The following SPATA6L variants were observed in gnomAD, a reference collection of about 807,000 sequenced individuals.
The protein encoded by SPATA6L is spermatogenesis associated 6-like protein.
Under a neutral mutation model 49.2 loss-of-function variants are expected in SPATA6L, and 68 were observed. The observed-to-expected ratio is 1.38, with a 90% CI of 1.14 to 1.69. The LOEUF (loss-of-function observed/expected upper bound fraction) is 1.69. SPATA6L is among the 40% of genes most tolerant of loss of function. The pLI is 0.00. For synonymous variants in SPATA6L, 198 were observed against 165.7 expected, an observed-to-expected ratio of 1.19 and a Z score of -1.50; for missense variants, 668 against 464.3, an observed-to-expected ratio of 1.44 and a Z score of -4.03.
chr9:4,629,042 A>G (rs1455954836), intron 5 of SPATA6L, 49 bp downstream of exon 5: 3 of 847,264 alleles, frequency 3.5e-6, no homozygotes, highest in East Asian at 3.2e-5. Context: ...TTTAAATTTG[A>G]AAAAAAAAAA....
chr9:4,622,223 C>A (rs191821425), intron 7 of SPATA6L, among the ~76,000 whole-genome samples, 185 bp downstream of exon 7: 63 of 152,358 alleles, frequency 4.1e-4, no homozygotes, highest in Admixed American at 3.3e-3. Context: ...AATGCTCAGA[C>A]AGAAGCTTCT....
At chr9:4,622,120 T>C (rs962008191) in intron 7 of SPATA6L, among the ~76,000 whole-genome samples, 2 of 152,194 alleles carry the variant, frequency 1.3e-5, no homozygotes, top group African/African-American at 2.4e-5. Context: ...GCAGGACAAG[T>C]TGCACTCTGC....
intron 3 of SPATA6L, among the ~76,000 whole-genome samples, chr9:4,650,699 G>A (rs201316443): frequency 3.3e-5 from 5 of 151,974 alleles, no homozygotes; most frequent in East Asian, 3.9e-4. Context: ...TTGCTCTGTC[G>A]CCCAGGCTAG....
At chr9:4,658,519 G>C (rs186740396) in intron 2 of SPATA6L, among the ~76,000 whole-genome samples, 52 of 152,280 alleles carry the variant, frequency 3.4e-4, no homozygotes, top group African/African-American at 1.2e-3. Flanking sequence ...AAATGAAAAA[G>C]TGGTTCCATG....
chr9:4,612,748 A>C (rs1021704259), intron 9 of SPATA6L, among the ~76,000 whole-genome samples: 6 of 152,196 alleles, frequency 3.9e-5, no homozygotes, highest in Admixed American at 3.3e-4. Flanking sequence ...AGTAGCTAAT[A>C]AATATTTCTT....
chr9:4,620,637 C>T (rs1300924315), intron 7 of SPATA6L, among the ~76,000 whole-genome samples: 1 of 152,166 alleles, frequency 6.6e-6, no homozygotes, highest in African/African-American at 2.4e-5. Context: ...AGGATCTGAG[C>T]CCAGAGGTCT....
chr9:4,663,793 T>C (rs1324677641), intron 1 of SPATA6L: 1 of 167,066 alleles, frequency 6.0e-6, no homozygotes, highest in African/African-American at 2.4e-5. Flanking sequence ...GTTGCCACAG[T>C]TGGGAGATTT....
intron 9 of SPATA6L, among the ~76,000 whole-genome samples, chr9:4,611,817 T>G (rs183603276): frequency 0.02 from 3,003 of 151,940 alleles, 92 homozygotes; most frequent in African/African-American, 0.069. Context: ...AAAAAAAAAT[T>G]TTTAATCCAA....
chr9:4,610,278 C>T (rs1307062227), intron 9 of SPATA6L, among the ~76,000 whole-genome samples: 2 of 148,714 alleles, frequency 1.3e-5, no homozygotes, highest in Non-Finnish European at 3.0e-5. Flanking sequence ...ACTTTCTTCA[C>T]AGAATTGGAA....
intron 8 of SPATA6L, 119 bp downstream of exon 8, chr9:4,618,745 A>G (rs1042517717): frequency 1.1e-6 from 1 of 935,688 alleles, no homozygotes; most frequent in Non-Finnish European, 1.6e-6. Flanking sequence ...ACACTAAACT[A>G]CAGCAATTCC....
rs764381545 is a variant in SPATA6L at position 4,662,954 on chromosome 9, C to A, written c.40-918G>T. On this transcript the variant is annotated intron_variant, in intron 1 of 11. Coordinates refer to ENST00000682582, the MANE Select transcript of SPATA6L (RefSeq NM_001353486.2). This position sits in a 1 kb window ranked among gnomAD's most constrained non-coding sequence, Gnocchi z 4.9. Reference sequence around the variant, plus strand: ...GGCTGGTCCGCAGGCGCCGCCCGGCCCACAACCAGATGGACATGTTTGTCA... The same window carrying A: ...GGCTGGTCCGCAGGCGCCGCCCGGCACACAACCAGATGGACATGTTTGTCA... 6.2e-7 allele frequency: 1 copy of A among 1,612,378 alleles called. No individual in the cohort carries two copies. Among genetic ancestry groups the A allele is most frequent in the Non-Finnish European group, 8.5e-7 (1 of 1,179,950 alleles).
At chr9:4,597,510 C>G (rs995734370), downstream of SPATA6L, among the ~76,000 whole-genome samples, 1 of 152,210 alleles carries the variant, frequency 6.6e-6, no homozygotes, top group African/African-American at 2.4e-5. Flanking sequence ...AAGGACCCAT[C>G]TGCACCATGT....
intron 2 of SPATA6L, among the ~76,000 whole-genome samples, chr9:4,658,042 A>T (rs1357153599): frequency 4.6e-5 from 7 of 152,192 alleles, no homozygotes; most frequent in Admixed American, 4.6e-4. Context: ...TATACCAGAA[A>T]CTAGGAGAGA....
intron 11 of SPATA6L, among the ~76,000 whole-genome samples, 163 bp from the exon 12 acceptor site, chr9:4,600,972 C>A (rs149391758): frequency 6.6e-6 from 1 of 152,214 alleles, no homozygotes; most frequent in Non-Finnish European, 1.5e-5. Flanking sequence ...ATTCCCACAA[C>A]AGAATAACCC....
At chr9:4,664,382 G>C (rs1790510413) in intron 1 of SPATA6L, 1 of 167,004 alleles carries the variant, frequency 6.0e-6, no homozygotes, top group South Asian at 2.1e-4. Flanking sequence ...CTGAGGTACA[G>C]CACATTTTAG....
chr9:4,652,037 G>A (rs1049185845), intron 3 of SPATA6L, among the ~76,000 whole-genome samples: 1 of 152,130 alleles, frequency 6.6e-6, no homozygotes, highest in African/African-American at 2.4e-5. Flanking sequence ...ACATAATTTT[G>A]CATATAGAAA....
rs369321522 is a variant in SPATA6L, at chr9:4,635,380, G to A, written c.246C>T (p.Tyr82=). Residue 82 remains tyrosine (Y), a synonymous_variant, in exon 4 of 12, where the codon TAC becomes TAT. Transcript: ENST00000682582. ...GAAAATCTCGTGTGTTTTCTTCGTA[G>A]TAGGCCAACTCATCCCACACTAGAA... is the stretch of plus-strand genomic sequence containing the variant. The part of the protein sequence containing the change: ...DLLEMWDELA[Y]YEENTRDFLF... The A allele has an allele frequency of 1.0e-5, 16 of 1,590,486 alleles. No individual in the cohort carries two copies. The African/African-American group carries it at 1.6e-4, about 16-fold the overall frequency.
intron 2 of SPATA6L, among the ~76,000 whole-genome samples, chr9:4,657,074 A>G (rs1276538797): frequency 1.3e-5 from 2 of 152,212 alleles, no homozygotes; most frequent in Non-Finnish European, 2.9e-5. Context: ...CTTGAAACAA[A>G]AGGGCCTGGG....
At chr9:4,663,919 TCTCTC>T (rs1301062121) in intron 1 of SPATA6L, 2 of 167,050 alleles carry the variant, frequency 1.2e-5, no homozygotes, top group Non-Finnish European at 2.9e-5. Flanking sequence ...TACTTGTCTT[TCTCTC>T]CTCTCCCTCC....
Sources: gnomAD v4.1 joint callset for allele counts (sites outside exome capture counted in the v4.1 genomes callset) on GRCh38, gnomAD v4.1.1 for gene constraint, Gnocchi (gnomAD v3.1) non-coding constraint, MANE v1.5 for transcripts, NCBI Gene and HGNC (gene_info 2026-07-23, HGNC 2026-07-21) for gene names.